Variants in TEX9 observed in about 807,000 individuals in gnomAD.
The protein encoded by TEX9 is testis-expressed protein 9.
TEX9 carries 74 observed loss-of-function variants against 59.6 expected under a neutral mutation model. The observed-to-expected ratio is 1.24, with a 90% CI of 1.03 to 1.51. The LOEUF (loss-of-function observed/expected upper bound fraction) is 1.51. Ranked by LOEUF, TEX9 falls within the 40% of genes most tolerant of loss-of-function variation. The pLI is 0.00. For missense variants in TEX9, 522 were observed against 447.8 expected (o/e 1.17, Z -1.49); for synonymous variants, 186 against 152.2 (o/e 1.22, Z -1.64).
rs189731674 is a variant in TEX9, at chr15:56,420,974, T to G, written c.964-6631T>G. On this transcript the variant is annotated intron_variant, in intron 10 of 12. Transcript: ENST00000352903. ...TTTTTGGCCCAGAATATGGTTTAAA[T>G]TGGGAAATATTTCATGTGCCCTTGA... 2.0e-4 allele frequency among the ~76,000 whole-genome samples: 31 copies of G among 152,064 alleles called. 2 individuals carry two copies. The highest frequency in any genetic ancestry group is 7.5e-4 in the African/African-American group (31 of 41,320).
chr15:56,389,192 G>A, intron 5 of TEX9, 126 bp from the exon 6 acceptor site: 1 of 731,318 alleles, frequency 1.4e-6, no homozygotes, highest in Non-Finnish European at 2.4e-6. Context: ...ACACATTTTT[G>A]GTAATTCCAT....
At chr15:56,377,204 G>C (rs2047500347) in intron 3 of TEX9, among the ~76,000 whole-genome samples, 1 of 152,038 alleles carries the variant, frequency 6.6e-6, no homozygotes, top group Non-Finnish European at 1.5e-5. Context: ...CTCAAGTTTT[G>C]TTCTTTTTGC....
chr15:56,429,634 G>A (rs1392463264), intron 12 of TEX9: 1 of 152,786 alleles, frequency 6.5e-6, no homozygotes, highest in Non-Finnish European at 1.5e-5. Context: ...TTGCAGAAAA[G>A]AATCCAGGTT....
chr15:56,385,993 A>G (rs1032495683), intron 4 of TEX9, among the ~76,000 whole-genome samples: 1 of 152,140 alleles, frequency 6.6e-6, no homozygotes, highest in African/African-American at 2.4e-5. Context: ...AAAAACCTGC[A>G]TGTGAATTTT....
At chr15:56,378,071 A>G (rs925801705) in intron 3 of TEX9, among the ~76,000 whole-genome samples, 3 of 152,184 alleles carry the variant, frequency 2.0e-5, no homozygotes, top group Non-Finnish European at 4.4e-5. Context: ...GGTAAATCCC[A>G]CATGGTCATG....
At chr15:56,345,370 A>G (rs376523612) in intron 1 of TEX9, among the ~76,000 whole-genome samples, 245 of 152,214 alleles carry the variant, frequency 1.6e-3, no homozygotes, top group African/African-American at 5.7e-3. Context: ...AGGAATTACT[A>G]ATGGCAAACA....
chr15:56,439,751 TAAAA>T (rs374476223), intron 12 of TEX9, among the ~76,000 whole-genome samples: 3 of 82,538 alleles, frequency 3.6e-5, no homozygotes, highest in African/African-American at 8.4e-5. Flanking sequence ...TGGAAAAGCA[TAAAA>T]AAAAAAAACC....
chr15:56,386,526 C>A (rs1453783171), intron 4 of TEX9, among the ~76,000 whole-genome samples: 1 of 151,764 alleles, frequency 6.6e-6, no homozygotes, highest in Non-Finnish European at 1.5e-5. Context: ...GATCTTGCTT[C>A]CAAGAAGTTA....
exon 7 of TEX9, chr15:56,391,325 A>C (rs1156905513): frequency 6.2e-7 from 1 of 1,606,240 alleles, no homozygotes; most frequent in Non-Finnish European, 8.5e-7. Context: ...CCTTGCAAAA[A>C]CAATTAGCAA....
intron 10 of TEX9, among the ~76,000 whole-genome samples, chr15:56,417,316 C>T (rs934606822): frequency 6.6e-6 from 1 of 151,854 alleles, no homozygotes; most frequent in East Asian, 1.9e-4. Context: ...ATCTTTATAA[C>T]TTTTTGATGT....
At chr15:56,412,312 A>C in exon 10 of TEX9, 1 of 1,608,664 alleles carries the variant, frequency 6.2e-7, no homozygotes, top group Non-Finnish European at 8.5e-7. Context: ...GAATTAGAAA[A>C]TAAAAGAAGA....
At chr15:56,274,339 C>G (rs1180745502) in intron 1 of TEX9, among the ~76,000 whole-genome samples, 6 of 152,144 alleles carry the variant, frequency 3.9e-5, no homozygotes, top group African/African-American at 1.4e-4. Context: ...TTCCATTTCT[C>G]TGCTGAAATG....
intron 1 of TEX9, among the ~76,000 whole-genome samples, chr15:56,293,317 A>G (rs1027959088): frequency 1.3e-5 from 2 of 152,236 alleles, no homozygotes; most frequent in Non-Finnish European, 2.9e-5. Context: ...AGCATGGGCG[A>G]CAGAGTGAGA....
intron 1 of TEX9, among the ~76,000 whole-genome samples, chr15:56,285,059 C>T (rs1174781385): frequency 3.3e-5 from 5 of 152,104 alleles, no homozygotes; most frequent in Admixed American, 6.6e-5. Context: ...TTTAAATCAT[C>T]GTTCATTTAA....
intron 12 of TEX9, among the ~76,000 whole-genome samples, chr15:56,438,670 C>T (rs548464968): frequency 3.8e-4 from 57 of 151,980 alleles, no homozygotes; most frequent in Admixed American, 2.6e-3. Context: ...AAAGAGCTTC[C>T]GCACAGCAAA....
chr15:56,352,938 C>A (rs1449707045), intron 1 of TEX9, among the ~76,000 whole-genome samples: 1 of 152,302 alleles, frequency 6.6e-6, no homozygotes, highest in Admixed American at 6.5e-5. Context: ...ATTTTCTCTT[C>A]TCCATCTTCT....
At chr15:56,400,159 C>T (rs2048697052) in intron 9 of TEX9, among the ~76,000 whole-genome samples, 1 of 152,158 alleles carries the variant, frequency 6.6e-6, no homozygotes, top group Non-Finnish European at 1.5e-5. Context: ...AAGTAGGCTT[C>T]AGAAAGTCAG....
rs189107473 is a variant in TEX9, at chr15:56,354,265, C to A, written c.-106-19176C>A. ...GACATCAGCCACATCTGCAATGTTCCCCAAGTATTTCTGGGAGTCCCTGGA... is the reference window on the plus strand; with the variant it reads ...GACATCAGCCACATCTGCAATGTTCACCAAGTATTTCTGGGAGTCCCTGGA... On this transcript the variant is annotated intron_variant, in intron 1 of 5. Coordinates refer to the TEX9 transcript ENST00000560827. Among the ~76,000 whole-genome samples, 292 of 152,250 alleles carry A rather than the reference C, an allele frequency of 1.9e-3. 5 individuals carry two copies. Among genetic ancestry groups the A allele is most frequent in the African/African-American group, 6.7e-3 (280 of 41,558 alleles).
chr15:56,302,290 C>A (rs1355855826), intron 1 of TEX9, among the ~76,000 whole-genome samples: 10 of 150,920 alleles, frequency 6.6e-5, no homozygotes, highest in Non-Finnish European at 1.5e-5. Context: ...GAGTTCAAGA[C>A]CAGCCTGGGC....
Sources: allele counts gnomAD v4.1 joint callset (sites outside exome capture counted in the v4.1 genomes callset), GRCh38; gene constraint gnomAD v4.1.1; transcripts MANE v1.5; gene names NCBI Gene and HGNC (gene_info 2026-07-23, HGNC 2026-07-21).